The following PBX3 variants were observed in gnomAD, a reference collection of about 807,000 sequenced individuals.
PBX3 encodes PBX homeobox 3.
PBX3 carries 14 observed loss-of-function variants against 48.5 expected under a neutral mutation model. The observed-to-expected ratio is 0.29, with a 90% CI of 0.19 to 0.45. The LOEUF (loss-of-function observed/expected upper bound fraction) is 0.45. Among genes scored for constraint, PBX3 ranks in the 20% least tolerant of loss-of-function variants. PBX3 has a pLI of 1.00. For missense variants in PBX3, 386 were observed against 546.7 expected (o/e 0.71, Z 2.93); for synonymous variants, 210 against 200.3 (o/e 1.05, Z -0.41).
intron 5 of PBX3, among the ~76,000 whole-genome samples, chr9:125,941,631 A>T (rs1377239046): frequency 6.6e-6 from 1 of 152,146 alleles, no homozygotes; most frequent in Non-Finnish European, 1.5e-5. Context: ...CAGAATTTGA[A>T]ATTTCTGATT....
chr9:125,895,890 T>C (rs1177410749), intron 2 of PBX3, among the ~76,000 whole-genome samples: 2 of 152,088 alleles, frequency 1.3e-5, no homozygotes, highest in African/African-American at 4.8e-5. Flanking sequence ...CTTCCCTTGA[T>C]ATTATGCAGT....
chr9:125,774,957 C>A (rs1837033480), intron 2 of PBX3, among the ~76,000 whole-genome samples: 1 of 152,020 alleles, frequency 6.6e-6, no homozygotes, highest in Non-Finnish European at 1.5e-5. Context: ...ACCTCTGCTT[C>A]CTAGGTTCAA....
At chr9:125,882,467 C>T (rs1445639063) in intron 2 of PBX3, among the ~76,000 whole-genome samples, 3 of 152,222 alleles carry the variant, frequency 2.0e-5, no homozygotes, top group South Asian at 4.1e-4. Flanking sequence ...GTTTCAGCTG[C>T]CTGGTATTTA....
At chr9:125,785,135 A>G (rs555461517) in intron 2 of PBX3, among the ~76,000 whole-genome samples, 2 of 152,214 alleles carry the variant, frequency 1.3e-5, no homozygotes, top group Non-Finnish European at 2.9e-5. Flanking sequence ...TGAGATCTGA[A>G]TTAGGTGAAA....
At chr9:125,824,949 T>C (rs1437983278) in intron 2 of PBX3, among the ~76,000 whole-genome samples, 4 of 152,194 alleles carry the variant, frequency 2.6e-5, no homozygotes, top group Admixed American at 6.5e-5. Context: ...CTCGGACTTT[T>C]TGTTTTCAGG....
intron 2 of PBX3, among the ~76,000 whole-genome samples, chr9:125,763,013 C>T (rs1459511689): frequency 6.6e-6 from 1 of 152,096 alleles, no homozygotes; most frequent in Non-Finnish European, 1.5e-5. Flanking sequence ...GGTAATAAGC[C>T]TCTTTAAACT....
intron 2 of PBX3, among the ~76,000 whole-genome samples, chr9:125,750,682 T>C (rs937851533): frequency 6.6e-6 from 1 of 152,228 alleles, no homozygotes; most frequent in Non-Finnish European, 1.5e-5. Flanking sequence ...GATTCTCTTT[T>C]TGTGCTTTGG....
chr9:125,816,673 C>T (rs1838473474), intron 2 of PBX3, among the ~76,000 whole-genome samples: 1 of 152,126 alleles, frequency 6.6e-6, no homozygotes, highest in Non-Finnish European at 1.5e-5. Context: ...GTTCAGTTCT[C>T]TTTATATTAT....
At chr9:125,866,635 C>A (rs926181141) in intron 2 of PBX3, among the ~76,000 whole-genome samples, 2 of 152,112 alleles carry the variant, frequency 1.3e-5, no homozygotes, top group African/African-American at 4.8e-5. Context: ...TGTATGTGTC[C>A]GGGGAGGTTT....
At position 125,868,608 on chromosome 9, in the gene PBX3, A is replaced by G. The variant is rs1392789183; in HGVS notation, c.275-47078A>G. 3.3e-5 allele frequency among the ~76,000 whole-genome samples: 5 copies of G among 152,310 alleles called. No individual in the cohort carries two copies. In the East Asian group the frequency reaches 9.6e-4, roughly 29 times the overall value. On this transcript the variant is annotated intron_variant, in intron 2 of 8. Coordinates refer to ENST00000373489, the MANE Select transcript of PBX3 (RefSeq NM_006195.6). The stretch of plus-strand genomic sequence containing the variant: ...GTGCTGACCTAGAATGTAGGTTTTG[A>G]AGGCATATGTGCAGCTTAAGAAACA...
intron 2 of PBX3, among the ~76,000 whole-genome samples, chr9:125,856,518 C>A (rs74675390): frequency 6.6e-6 from 1 of 152,056 alleles, no homozygotes; most frequent in African/African-American, 2.4e-5. Flanking sequence ...GCTAACGGAG[C>A]GGCGCCTCGG....
chr9:125,783,691 T>A (rs1837383528), intron 2 of PBX3, among the ~76,000 whole-genome samples: 1 of 152,142 alleles, frequency 6.6e-6, no homozygotes, highest in African/African-American at 2.4e-5. Flanking sequence ...CTTTAGCTCT[T>A]CAAGCATATT....
At chr9:125,887,178 A>T (rs1564156796) in intron 2 of PBX3, among the ~76,000 whole-genome samples, 1 of 152,146 alleles carries the variant, frequency 6.6e-6, no homozygotes, top group African/African-American at 2.4e-5. Flanking sequence ...TTGTCAACTA[A>T]TTCTTTATAA....
At position 125,759,069 on chromosome 9, in the gene PBX3, G is replaced by A. The variant is rs951642783; in HGVS notation, c.274+10446G>A. ...GCAGCAGAACTACTCAACTTAGGCA[G>A]AGAAAGTAGTGGAAATGGTTGATTC... On this transcript the variant is annotated intron_variant, in intron 2 of 8. Transcript: ENST00000373489. This position sits in a 1 kb window ranked among gnomAD's most constrained non-coding sequence, Gnocchi z 4.2. 6.6e-6 allele frequency among the ~76,000 whole-genome samples: 1 copy of A among 152,148 alleles called. No individual in the cohort carries two copies. The highest frequency in any genetic ancestry group is 1.5e-5 in the Non-Finnish European group (1 of 68,028).
Position 125,759,324 on chromosome 9 carries a change from C to G in PBX3, c.274+10701C>G, listed in dbSNP as rs574108304. 6.6e-6 allele frequency among the ~76,000 whole-genome samples: 1 copy of G among 152,124 alleles called. No individual in the cohort carries two copies. Among genetic ancestry groups the G allele is most frequent in the African/African-American group, 2.4e-5 (1 of 41,422 alleles). On this transcript the variant is annotated intron_variant, in intron 2 of 8. Transcript: ENST00000373489. This position sits in a 1 kb window ranked among gnomAD's most constrained non-coding sequence, Gnocchi z 4.2. ...TTTAGCTTTTCTGTTGTTAAAGTGG[C>G]CCCTAGTGATAGTGCTGCAGTGACT...
chr9:125,780,927 C>T (rs1837279849), intron 2 of PBX3, among the ~76,000 whole-genome samples: 2 of 137,602 alleles, frequency 1.5e-5, no homozygotes, highest in South Asian at 2.4e-4. Context: ...GAGGGGGCAG[C>T]TGGGCAGAGA....
At chr9:125,749,969 A>G (rs1836325958) in intron 2 of PBX3, among the ~76,000 whole-genome samples, 3 of 152,218 alleles carry the variant, frequency 2.0e-5, no homozygotes, top group Non-Finnish European at 4.4e-5. Context: ...CCTTTCTTGA[A>G]TTACTAACTT....
chr9:125,876,399 G>A (rs1287762499), intron 2 of PBX3, among the ~76,000 whole-genome samples: 1 of 152,072 alleles, frequency 6.6e-6, no homozygotes, highest in Non-Finnish European at 1.5e-5. Flanking sequence ...GAGACAGCAG[G>A]ACCAACCCCT....
intron 3 of PBX3, among the ~76,000 whole-genome samples, chr9:125,918,990 A>C (rs896231965): frequency 1.2e-4 from 18 of 152,304 alleles, no homozygotes; most frequent in African/African-American, 4.1e-4. Context: ...TAGAGGAGAA[A>C]ATGAGACTCA....
Sources: gnomAD v4.1 joint callset for allele counts (sites outside exome capture counted in the v4.1 genomes callset) on GRCh38, gnomAD v4.1.1 for gene constraint, Gnocchi (gnomAD v3.1) non-coding constraint, MANE v1.5 for transcripts, NCBI Gene and HGNC (gene_info 2026-07-23, HGNC 2026-07-21) for gene names.